AOPEP: variants seen among roughly 807,000 people sequenced by gnomAD.
AOPEP encodes aminopeptidase O (putative).
AOPEP carries 77 observed loss-of-function variants against 98.1 expected under a neutral mutation model. The observed-to-expected ratio is 0.78, with a 90% CI of 0.65 to 0.95. The LOEUF is 0.95. Among genes scored for constraint, AOPEP ranks in the 40% least tolerant of loss-of-function variants. The pLI, the probability that AOPEP is intolerant of heterozygous loss-of-function variation, is 0.00. For missense variants in AOPEP, 1,024 were observed against 1,024.7 expected (o/e 1.00, Z 0.01); for synonymous variants, 346 against 365.3 (o/e 0.95, Z 0.60).
At chr9:95,114,255 CA>C in the AOPEP span, 2 of 346,358 alleles carry the variant, frequency 5.8e-6, no homozygotes, top group East Asian at 1.4e-4. Context: ...CCACAGGACC[CA>C]AACAAGTGCC....
the AOPEP span, among the ~76,000 whole-genome samples, chr9:95,139,988 TCTTCTCTA>T: frequency 6.6e-6 from 1 of 151,918 alleles, no homozygotes; most frequent in Non-Finnish European, 1.5e-5. Context: ...TTGTCCTTTT[TCTTCTCTA>T]TAATGGTTCC....
chr9:94,751,135 C>T (rs1165175214), intron 1 of AOPEP, among the ~76,000 whole-genome samples: 1 of 152,138 alleles, frequency 6.6e-6, no homozygotes, highest in Non-Finnish European at 1.5e-5. Flanking sequence ...AGGGCTTTCT[C>T]TCCGGTGGAA....
intron 6 of AOPEP, among the ~76,000 whole-genome samples, chr9:94,927,753 C>T (rs757933745): frequency 3.9e-5 from 6 of 152,206 alleles, no homozygotes; most frequent in Non-Finnish European, 5.9e-5. Flanking sequence ...ATCTGTTGAA[C>T]GAATTATCAG....
At chr9:94,740,473 A>T (rs1029627790) in intron 1 of AOPEP, among the ~76,000 whole-genome samples, 1 of 152,236 alleles carries the variant, frequency 6.6e-6, no homozygotes, top group African/African-American at 2.4e-5. Flanking sequence ...AATAAAAAAC[A>T]TGATTAATGC....
chr9:95,126,746 T>C, the AOPEP span: 5 of 675,286 alleles, frequency 7.4e-6, no homozygotes, highest in South Asian at 8.2e-5. Flanking sequence ...ACGCCCCACA[T>C]ACAAGTGCAT....
At position 94,805,802 on chromosome 9, in the gene AOPEP, C is replaced by T. The variant is rs142946371; in HGVS notation, c.1364+4800C>T. ...AGCCTTTTCCTCCACTCCCTCCTCC[C>T]GGGTTAGACAGGGTGTTGTCCTGTT... On this transcript the variant is annotated intron_variant, in intron 5 of 16. Transcript: ENST00000375315. 2.0e-5 allele frequency among the ~76,000 whole-genome samples: 3 copies of T among 152,308 alleles called. No individual in the cohort carries two copies. The East Asian group carries it at 5.8e-4, about 29-fold the overall frequency.
chr9:94,766,885 A>G (rs1839755282), intron 2 of AOPEP, among the ~76,000 whole-genome samples: 1 of 152,182 alleles, frequency 6.6e-6, no homozygotes, highest in Non-Finnish European at 1.5e-5. Flanking sequence ...AAGGAGAACT[A>G]CTTTTTTCTG....
At chr9:94,860,361 C>A (rs545504829) in intron 5 of AOPEP, among the ~76,000 whole-genome samples, 1 of 143,672 alleles carries the variant, frequency 7.0e-6, no homozygotes, top group South Asian at 2.5e-4. Context: ...TCATTCTGAG[C>A]GTATTGGGAA....
At chr9:94,884,204 A>G (rs1405721728) in intron 5 of AOPEP, among the ~76,000 whole-genome samples, 4 of 152,216 alleles carry the variant, frequency 2.6e-5, no homozygotes, top group Admixed American at 2.0e-4. Context: ...AATTCCTTCT[A>G]ATAGCCCTGT....
chr9:95,028,440 C>A (rs1194078186), intron 13 of AOPEP, among the ~76,000 whole-genome samples: 1 of 152,188 alleles, frequency 6.6e-6, no homozygotes, highest in South Asian at 2.1e-4. Flanking sequence ...CCCACACAGC[C>A]TTCAGGTGCC....
chr9:94,836,145 T>C (rs1408118155), intron 5 of AOPEP, among the ~76,000 whole-genome samples: 1 of 152,174 alleles, frequency 6.6e-6, no homozygotes, highest in East Asian at 1.9e-4. Flanking sequence ...CCAAGGAAAA[T>C]GTAATTGCCA....
intron 13 of AOPEP, among the ~76,000 whole-genome samples, chr9:95,030,383 G>T (rs2133352884): frequency 1.3e-5 from 2 of 152,284 alleles, no homozygotes; most frequent in South Asian, 4.1e-4. Context: ...TTTTTGGAAA[G>T]ATCTGTTATG....
chr9:95,078,273 G>A (rs558062986), intron 14 of AOPEP, among the ~76,000 whole-genome samples: 1 of 152,240 alleles, frequency 6.6e-6, no homozygotes, highest in South Asian at 2.1e-4. Flanking sequence ...CGCCACCGAG[G>A]GCCTTGTTCT....
intron 13 of AOPEP, among the ~76,000 whole-genome samples, chr9:95,050,452 C>T (rs754236396): frequency 1.3e-5 from 2 of 152,126 alleles, no homozygotes; most frequent in Non-Finnish European, 2.9e-5. Flanking sequence ...TCCAAAACTG[C>T]AGAATTTGGA....
intron 10 of AOPEP, among the ~76,000 whole-genome samples, chr9:94,969,642 C>T (rs1010926848): frequency 6.6e-6 from 1 of 152,084 alleles, no homozygotes; most frequent in Non-Finnish European, 1.5e-5. Flanking sequence ...CTCCTGACCT[C>T]GTGATCTGCC....
At chr9:94,835,175 A>G (rs975789626) in intron 5 of AOPEP, among the ~76,000 whole-genome samples, 3 of 152,164 alleles carry the variant, frequency 2.0e-5, no homozygotes, top group Non-Finnish European at 4.4e-5. Flanking sequence ...CCTTCCCCCC[A>G]TTAGTGCATT....
chr9:94,822,483 A>G (rs1221571618), intron 5 of AOPEP, among the ~76,000 whole-genome samples: 1 of 152,228 alleles, frequency 6.6e-6, no homozygotes, highest in Admixed American at 6.5e-5. Context: ...ACAGCAGAGT[A>G]TCTGATTACC....
At chr9:95,034,072 T>A (rs933543204) in intron 13 of AOPEP, among the ~76,000 whole-genome samples, 1 of 152,230 alleles carries the variant, frequency 6.6e-6, no homozygotes, top group Non-Finnish European at 1.5e-5. Flanking sequence ...TGAAGACACA[T>A]CCCTGCCTTG....
At position 95,085,942 on chromosome 9, in the gene AOPEP, C is replaced by T. The variant is rs1351051103; in HGVS notation, c.*5-740C>T. The stretch of plus-strand genomic sequence containing the variant: ...CTTGTATTTGCAGTCCAGGCCTTCG[C>T]GTCTCCTGCGCCAGCAGACGGTGCC... On this transcript the variant is annotated intron_variant, in intron 16 of 16. Transcript: ENST00000375315. 83 of 1,319,518 alleles carry T rather than the reference C, an allele frequency of 6.3e-5. 2 individuals are homozygous for T. The South Asian group carries it at 7.5e-4, about 12-fold the overall frequency. 81.7% of individuals were successfully genotyped at this position (1,319,518 alleles called of 1,614,324 possible). A position where few individuals can be genotyped will look rare whatever the true frequency, so the allele number is the denominator to read the frequency against.
Sources: allele counts gnomAD v4.1 joint callset (sites outside exome capture counted in the v4.1 genomes callset), GRCh38; gene constraint gnomAD v4.1.1; transcripts MANE v1.5; gene names NCBI Gene and HGNC (gene_info 2026-07-23, HGNC 2026-07-21).